Variants in FYB1 observed in about 807,000 individuals in gnomAD.
FYB1 encodes the protein FYN-binding protein 1.
FYB1 carries 41 observed loss-of-function variants against 94.1 expected under a neutral mutation model. The ratio of observed to expected loss-of-function variants is 0.44; its 90% CI spans 0.34 to 0.57. The LOEUF (loss-of-function observed/expected upper bound fraction) is 0.57, where lower values mean the gene tolerates loss of function less well. FYB1 is among the 20% of genes least tolerant of loss of function. The probability of loss-of-function intolerance (pLI) is 0.02; values close to 1 mark genes in which losing one functional copy is unlikely to be tolerated. For synonymous variants in FYB1, 367 were observed against 353.2 expected (o/e 1.04, Z -0.44); for missense variants, 1,050 against 976.8 (o/e 1.07, Z -1.00).
intron 3 of FYB1, among the ~76,000 whole-genome samples, chr5:39,149,107 G>T (rs563832712): frequency 6.6e-6 from 1 of 152,180 alleles, no homozygotes; most frequent in East Asian, 1.9e-4. Context: ...CACTAGGTGG[G>T]GAAACAATAC....
intron 1 of FYB1, among the ~76,000 whole-genome samples, chr5:39,211,653 CTT>C (rs1204980403): frequency 1.3e-5 from 2 of 152,160 alleles, no homozygotes; most frequent in East Asian, 3.8e-4. Context: ...CCAACAAAAA[CTT>C]TATTTTGCTA....
At chr5:39,190,464 A>G (rs1476023941) in intron 2 of FYB1, among the ~76,000 whole-genome samples, 1 of 152,112 alleles carries the variant, frequency 6.6e-6, no homozygotes, top group Admixed American at 6.6e-5. Context: ...CAGGGCCCCC[A>G]GCTGGTAGGT....
chr5:39,199,089 T>C (rs1346827624), intron 2 of FYB1, among the ~76,000 whole-genome samples: 1 of 151,702 alleles, frequency 6.6e-6, no homozygotes, highest in Non-Finnish European at 1.5e-5. Context: ...CACATGTTTA[T>C]GTATACGTAT....
At chr5:39,252,745 T>C (rs1751783887) in intron 1 of FYB1, among the ~76,000 whole-genome samples, 1 of 152,184 alleles carries the variant, frequency 6.6e-6, no homozygotes, top group African/African-American at 2.4e-5. Context: ...GAGAGTGGAA[T>C]AGTTTAGACA....
In FYB1 at chr5:39,241,120, G is replaced by C. The variant is rs77085773; in HGVS notation, c.-28+33283C>G. ...CTTCTATGTGGGAGCTCAACATTCA[G>C]TACACATGGACTCAAAGAAGGGAAC... On this transcript the variant is annotated intron_variant, in intron 1 of 1. Coordinates refer to the FYB1 transcript ENST00000510188. Among the ~76,000 whole-genome samples the C allele has an allele frequency of 4.6e-3, 696 of 152,244 alleles. 1 individual carries two copies. Among genetic ancestry groups the C allele is most frequent in the Non-Finnish European group, 8.1e-3 (551 of 68,020 alleles).
chr5:39,203,370 T>C (rs1226141675), intron 1 of FYB1, among the ~76,000 whole-genome samples: 1 of 152,238 alleles, frequency 6.6e-6, no homozygotes, highest in Non-Finnish European at 1.5e-5. Context: ...TTCCATATTT[T>C]ATAATTGAAA....
intron 1 of FYB1, among the ~76,000 whole-genome samples, chr5:39,214,631 G>A (rs771722335): frequency 1.2e-4 from 18 of 152,186 alleles, no homozygotes; most frequent in Admixed American, 2.0e-4. Flanking sequence ...AGCCAGTCAC[G>A]AAACAACAAG....
At chr5:39,145,047 A>C (rs1742522598) in intron 3 of FYB1, among the ~76,000 whole-genome samples, 1 of 152,202 alleles carries the variant, frequency 6.6e-6, no homozygotes, top group Non-Finnish European at 1.5e-5. Flanking sequence ...ATAAGAGGCA[A>C]GTGGGTGAGG....
At chr5:39,144,038 T>C (rs1742421936) in intron 3 of FYB1, among the ~76,000 whole-genome samples, 1 of 152,180 alleles carries the variant, frequency 6.6e-6, no homozygotes, top group East Asian at 1.9e-4. Context: ...TAAAAACAAT[T>C]TGTGGAGTAA....
rs530024135 is a variant in FYB1, at chr5:39,234,897, G to A, written c.-27-31910C>T. On this transcript the variant is annotated intron_variant, in intron 1 of 1. Coordinates refer to the FYB1 transcript ENST00000510188. ...ATACACCAGGGCCTGTCAGGGGGTCGGGGGCAAGGGGTGGGATAGTATTAG... is the reference window on the plus strand; with the variant it reads ...ATACACCAGGGCCTGTCAGGGGGTCAGGGGCAAGGGGTGGGATAGTATTAG... Among the ~76,000 whole-genome samples the A allele has an allele frequency of 3.2e-3, 485 of 152,128 alleles. 1 individual carries two copies. The highest frequency in any genetic ancestry group is 5.6e-3 in the Admixed American group (86 of 15,256).
At chr5:39,209,779 CTT>C (rs955898766) in intron 1 of FYB1, among the ~76,000 whole-genome samples, 3 of 152,222 alleles carry the variant, frequency 2.0e-5, no homozygotes, top group African/African-American at 7.2e-5. Flanking sequence ...TGGCGCATCT[CTT>C]TCCATAATAT....
intron 16 of FYB1, among the ~76,000 whole-genome samples, chr5:39,113,134 C>T (rs116597766): frequency 4.7e-4 from 72 of 152,180 alleles, no homozygotes; most frequent in African/African-American, 1.6e-3. Flanking sequence ...AAACAAGTGA[C>T]TTACCATAAA....
chr5:39,231,621 C>T (rs1750748531), intron 1 of FYB1, among the ~76,000 whole-genome samples: 1 of 152,044 alleles, frequency 6.6e-6, no homozygotes. Flanking sequence ...GGTAGGATTT[C>T]GTGGGCTGAG....
intron 1 of FYB1, among the ~76,000 whole-genome samples, chr5:39,266,761 C>T (rs1343992432): frequency 6.6e-6 from 1 of 152,138 alleles, no homozygotes; most frequent in Non-Finnish European, 1.5e-5. Context: ...TCCCAGTGGC[C>T]TCTGCAACAT....
At chr5:39,121,735 T>C (rs887363020) in intron 14 of FYB1, among the ~76,000 whole-genome samples, 1 of 152,178 alleles carries the variant, frequency 6.6e-6, no homozygotes, top group African/African-American at 2.4e-5. Flanking sequence ...TTACTTGATC[T>C]GAACTGATTT....
intron 7 of FYB1, among the ~76,000 whole-genome samples, chr5:39,135,654 G>A (rs1033051760): frequency 6.6e-6 from 1 of 152,094 alleles, no homozygotes; most frequent in East Asian, 1.9e-4. Flanking sequence ...CTTTTGATAT[G>A]CAAATATGCA....
chr5:39,145,614 T>C (rs1379009248), intron 3 of FYB1, among the ~76,000 whole-genome samples: 1 of 152,144 alleles, frequency 6.6e-6, no homozygotes, highest in East Asian at 1.9e-4. Context: ...GAATTGAATA[T>C]TAATTAAAAA....
intron 1 of FYB1, among the ~76,000 whole-genome samples, chr5:39,234,039 G>A (rs968924739): frequency 6.6e-6 from 1 of 152,062 alleles, no homozygotes; most frequent in African/African-American, 2.4e-5. Context: ...GTTATCTGTG[G>A]CTAACTCTTT....
chr5:39,214,083 C>T (rs1353795085), intron 1 of FYB1, among the ~76,000 whole-genome samples: 1 of 152,026 alleles, frequency 6.6e-6, no homozygotes, highest in Non-Finnish European at 1.5e-5. Context: ...CTGTGTTATG[C>T]TTTTCTACAT....
Sources: gnomAD v4.1 joint callset for allele counts (sites outside exome capture counted in the v4.1 genomes callset) on GRCh38, gnomAD v4.1.1 for gene constraint, MANE v1.5 for transcripts, NCBI Gene and HGNC (gene_info 2026-07-23, HGNC 2026-07-21) for gene names.